RIMBP2: variants seen among roughly 807,000 people sequenced by gnomAD.
RIMBP2 encodes RIMS-binding protein 2.
In RIMBP2, 48 loss-of-function variants were observed where a neutral mutation model predicts 118.6. The ratio of observed to expected loss-of-function variants is 0.40; its 90% confidence interval spans 0.32 to 0.51. The LOEUF (loss-of-function observed/expected upper bound fraction) is 0.51, where lower values mean the gene tolerates loss of function less well. Ranked by LOEUF, RIMBP2 falls within the 20% of genes least tolerant of loss-of-function variation. The pLI is 0.41. For missense variants in RIMBP2, 1,551 were observed against 1,768.3 expected, an observed-to-expected ratio of 0.88 and a Z score of 2.20; for synonymous variants, 762 against 742.9, an observed-to-expected ratio of 1.03 and a Z score of -0.42.
chr12:130,672,663 T>G (rs2064254454), intron 1 of RIMBP2, among the ~76,000 whole-genome samples: 1 of 152,202 alleles, frequency 6.6e-6, no homozygotes, highest in African/African-American at 2.4e-5. Context: ...GAGGCCAGTC[T>G]GGCAGGCAGG....
Position 130,623,236 on chromosome 12 carries a change from A to T in RIMBP2, c.-217+5086T>A, listed in dbSNP as rs2061427456. Among the ~76,000 whole-genome samples, 1 of 152,180 alleles carries T rather than the reference A, an allele frequency of 6.6e-6. No homozygotes were observed. The highest frequency in any genetic ancestry group is 1.5e-5 in the Non-Finnish European group (1 of 68,012). ...GCTTTTTCTATATATTTCAACACTTATACAAATAGAAGCACTTTTATTTTA... is the reference window on the plus strand; with the variant it reads ...GCTTTTTCTATATATTTCAACACTTTTACAAATAGAAGCACTTTTATTTTA... On this transcript the variant is annotated intron_variant, in intron 2 of 22. Coordinates refer to ENST00000690449, the MANE Select transcript of RIMBP2 (RefSeq NM_001393629.1). The surrounding 1 kb of genome is among the most constrained non-coding windows in gnomAD (Gnocchi z 4.1).
intron 11 of RIMBP2, among the ~76,000 whole-genome samples, chr12:130,438,863 G>T (rs552178163): frequency 1.1e-4 from 16 of 152,224 alleles, no homozygotes; most frequent in Admixed American, 9.2e-4. Context: ...CTCAGGCCTG[G>T]CCAGGCAGCC....
rs11287921 is a variant in RIMBP2 at position 130,446,019 on chromosome 12, T to TC, written c.582-751dup. Among the ~76,000 whole-genome samples the TC allele has an allele frequency of 0.039, 4,334 of 112,410 alleles. 120 individuals carry two copies. The highest frequency in any genetic ancestry group is 0.11 in the African/African-American group (3,194 of 29,762). 73.7% of individuals were successfully genotyped at this position (112,410 alleles called of 152,430 possible). A position where few individuals can be genotyped will look rare whatever the true frequency, so the allele number is the denominator to read the frequency against. The stretch of plus-strand genomic sequence containing the variant: ...GAAAAACAGACGCATGATTTTATGC[T>TC]CCCCCCCCCCACACCCCCAGGAATA... On this transcript the variant is annotated intron_variant, in intron 9 of 22. Transcript: ENST00000690449. This position sits in a 1 kb window ranked among gnomAD's most constrained non-coding sequence, Gnocchi z 4.1.
chr12:130,481,955 C>T (rs941011349), intron 4 of RIMBP2, among the ~76,000 whole-genome samples: 1 of 145,908 alleles, frequency 6.9e-6, no homozygotes, highest in African/African-American at 2.5e-5. Flanking sequence ...CACCACCCAC[C>T]GCCCACCACC....
At chr12:130,532,455 A>G (rs1398894781) in intron 2 of RIMBP2, among the ~76,000 whole-genome samples, 2 of 149,954 alleles carry the variant, frequency 1.3e-5, no homozygotes, top group African/African-American at 5.0e-5. Flanking sequence ...ACGTCTAATG[A>G]GATGCGTGTG....
At position 130,434,361 on chromosome 12, in the gene RIMBP2, G is replaced by A. The variant is rs2077353310; in HGVS notation, c.2253+373C>T. Among the ~76,000 whole-genome samples, 1 of 152,130 alleles carries A rather than the reference G, an allele frequency of 6.6e-6. No individual in the cohort carries two copies. Among genetic ancestry groups the A allele is most frequent in the African/African-American group, 2.4e-5 (1 of 41,422 alleles). On this transcript the variant is annotated intron_variant, in intron 14 of 22. Transcript: ENST00000690449. The surrounding 1 kb of genome is among the most constrained non-coding windows in gnomAD (Gnocchi z 5.7). ...TTTTGGCTCCCATGATGCCTCCCTA[G>A]CACACAGATGGCCAACAAACATCTG...
chr12:130,689,260 CCGTCTCTACCA>C (rs889978266), intron 1 of RIMBP2, among the ~76,000 whole-genome samples: 4 of 152,018 alleles, frequency 2.6e-5, no homozygotes, highest in African/African-American at 9.7e-5. Flanking sequence ...TGGCGAAAAC[CCGTCTCTACCA>C]AAAATACAAA....
intron 4 of RIMBP2, among the ~76,000 whole-genome samples, chr12:130,504,344 G>C: frequency 6.6e-6 from 1 of 152,094 alleles, no homozygotes; most frequent in Non-Finnish European, 1.5e-5. Context: ...CTCCTCCCAG[G>C]ATGGGTCTCT....
intron 2 of RIMBP2, among the ~76,000 whole-genome samples, chr12:130,559,393 G>T (rs568541914): frequency 6.6e-6 from 1 of 151,676 alleles, no homozygotes; most frequent in East Asian, 1.9e-4. Flanking sequence ...TTTGGATTTC[G>T]CCTATGAGTA....
intron 2 of RIMBP2, among the ~76,000 whole-genome samples, chr12:130,521,847 C>T (rs1475623007): frequency 1.3e-5 from 2 of 152,218 alleles, no homozygotes; most frequent in Admixed American, 6.5e-5. Context: ...CAGGGAAGGA[C>T]ATGTAAGCAT....
At chr12:130,611,121 C>T (rs1386982863) in intron 2 of RIMBP2, among the ~76,000 whole-genome samples, 5 of 152,210 alleles carry the variant, frequency 3.3e-5, no homozygotes, top group East Asian at 1.9e-4. Flanking sequence ...CCGCCCAAAG[C>T]GGGCAGAGCC....
At chr12:130,458,042 G>A (rs1211221527) in intron 6 of RIMBP2, among the ~76,000 whole-genome samples, 5 of 151,748 alleles carry the variant, frequency 3.3e-5, no homozygotes, top group Non-Finnish European at 7.4e-5. Flanking sequence ...CCGGACCTGA[G>A]CAAAGGGCTC....
intron 12 of RIMBP2, 31 bp downstream of exon 12, chr12:130,438,334 A>AAGCCC: frequency 8.9e-6 from 12 of 1,344,502 alleles, no homozygotes; most frequent in Non-Finnish European, 1.2e-5. Context: ...GGGCCTAACA[A>AAGCCC]ACCCTCCCCA....
chr12:130,680,755 A>C (rs1444939098), intron 1 of RIMBP2, among the ~76,000 whole-genome samples: 1 of 152,168 alleles, frequency 6.6e-6, no homozygotes, highest in African/African-American at 2.4e-5. Context: ...CAGTGCATGG[A>C]ACAGCCCCAT....
chr12:130,490,947 G>A (rs1295825409), intron 4 of RIMBP2, among the ~76,000 whole-genome samples: 18 of 152,156 alleles, frequency 1.2e-4, no homozygotes, highest in Non-Finnish European at 1.0e-4. Flanking sequence ...AGCAGCTCCC[G>A]AGCCCCCTGT....
intron 6 of RIMBP2, among the ~76,000 whole-genome samples, chr12:130,470,022 A>ACCAGGAG (rs1473799526): frequency 6.6e-6 from 1 of 152,154 alleles, no homozygotes; most frequent in Non-Finnish European, 1.5e-5. Flanking sequence ...CTGGCATTGG[A>ACCAGGAG]CCAGGAGCCA....
At chr12:130,559,712 TG>T (rs1301639866) in intron 2 of RIMBP2, among the ~76,000 whole-genome samples, 1 of 152,182 alleles carries the variant, frequency 6.6e-6, no homozygotes, top group East Asian at 1.9e-4. Flanking sequence ...TTTAACTCCC[TG>T]GAGCTCCGTG....
chr12:130,473,068 A>C (rs1200962663), intron 5 of RIMBP2, among the ~76,000 whole-genome samples: 1 of 152,232 alleles, frequency 6.6e-6, no homozygotes, highest in Non-Finnish European at 1.5e-5. Context: ...ATTGAAAAAA[A>C]AGACAAAACA....
chr12:130,512,907 C>G (rs765408616), intron 3 of RIMBP2, among the ~76,000 whole-genome samples: 3 of 152,054 alleles, frequency 2.0e-5, no homozygotes, highest in African/African-American at 4.8e-5. Context: ...GGACACTCAC[C>G]TTTCAGTCAA....
Sources: gnomAD v4.1 joint callset for allele counts (sites outside exome capture counted in the v4.1 genomes callset) on GRCh38, gnomAD v4.1.1 for gene constraint, Gnocchi (gnomAD v3.1) non-coding constraint, MANE v1.5 for transcripts, NCBI Gene and HGNC (gene_info 2026-07-23, HGNC 2026-07-21) for gene names.